VPS13B: variants seen among roughly 807,000 people sequenced by gnomAD.
VPS13B encodes the protein intermembrane lipid transfer protein VPS13B.
A neutral mutation model predicts 426.4 loss-of-function variants in VPS13B; 285 were observed. That is an observed-to-expected ratio of 0.67 (90% CI 0.61 to 0.74). VPS13B has a LOEUF of 0.74. Among genes scored for constraint, VPS13B ranks in the 30% least tolerant of loss-of-function variants. VPS13B has a pLI of 0.00. For synonymous variants in VPS13B, 1,676 were observed against 1,676.4 expected, an observed-to-expected ratio of 1.00 and a Z score of 0.01; for missense variants, 4,537 against 4,782.6, an observed-to-expected ratio of 0.95 and a Z score of 1.51.
chr8:99,275,678 C>T (rs939415126), intron 19 of VPS13B, among the ~76,000 whole-genome samples: 6 of 152,070 alleles, frequency 3.9e-5, no homozygotes. Flanking sequence ...AAGAAAATCT[C>T]AGAGGTCATT....
chr8:99,225,988 A>C (rs1815993989), intron 17 of VPS13B, among the ~76,000 whole-genome samples: 1 of 152,018 alleles, frequency 6.6e-6, no homozygotes, highest in Non-Finnish European at 1.5e-5. Context: ...TCTGTCGCCC[A>C]GGCTGGAGTG....
intron 2 of VPS13B, among the ~76,000 whole-genome samples, chr8:99,025,669 T>G (rs986691104): frequency 6.6e-6 from 1 of 152,166 alleles, no homozygotes; most frequent in Non-Finnish European, 1.5e-5. Flanking sequence ...TGGAATTCAG[T>G]AGTGAAGCCA....
intron 46 of VPS13B, 86 bp from the exon 47 acceptor site, chr8:99,818,627 T>G: frequency 6.2e-7 from 1 of 1,603,388 alleles, no homozygotes; most frequent in Admixed American, 1.7e-5. Context: ...GGGAAGAGAT[T>G]TATTACAAGT....
intron 31 of VPS13B, among the ~76,000 whole-genome samples, chr8:99,569,887 AAT>A (rs1003328684): frequency 2.6e-5 from 4 of 152,164 alleles, no homozygotes; most frequent in African/African-American, 9.7e-5. Flanking sequence ...TAAAATAGTC[AAT>A]GTTTTGTTAT....
chr8:99,502,314 CA>C (rs895162752), intron 26 of VPS13B, among the ~76,000 whole-genome samples: 2 of 152,012 alleles, frequency 1.3e-5, no homozygotes, highest in African/African-American at 4.8e-5. Context: ...CTGAAAAGTG[CA>C]AATATTAAAC....
At chr8:99,692,548 G>A (rs1474287753) in intron 35 of VPS13B, among the ~76,000 whole-genome samples, 2 of 146,674 alleles carry the variant, frequency 1.4e-5, no homozygotes, top group African/African-American at 5.2e-5. Flanking sequence ...AAAGCAGTGT[G>A]TAGAGGGAAA....
chr8:99,234,603 C>T (rs1193219311), intron 17 of VPS13B: 11 of 395,544 alleles, frequency 2.8e-5, no homozygotes, highest in South Asian at 8.1e-5. Context: ...TTGGGTAGTG[C>T]GCTCGCGCAG....
chr8:99,255,639 C>T (rs564718827), intron 17 of VPS13B, among the ~76,000 whole-genome samples: 2 of 152,268 alleles, frequency 1.3e-5, no homozygotes, highest in South Asian at 4.1e-4. Flanking sequence ...ATTCTTGTTA[C>T]TTCTGGCCCG....
At chr8:99,611,008 C>CTG (rs1236745909) in intron 33 of VPS13B, among the ~76,000 whole-genome samples, 1 of 152,140 alleles carries the variant, frequency 6.6e-6, no homozygotes, top group Non-Finnish European at 1.5e-5. Flanking sequence ...TATAGAAAAA[C>CTG]TGTTAGATTT....
chr8:99,661,272 CATTT>C (rs1830212496), intron 34 of VPS13B, 78 bp from the exon 35 acceptor site: 1 of 1,561,998 alleles, frequency 6.4e-7, no homozygotes, highest in African/African-American at 1.4e-5. Context: ...GTTTTTCTCT[CATTT>C]ATTAACTCAA....
At chr8:99,565,206 T>C (rs1825123512) in intron 31 of VPS13B, among the ~76,000 whole-genome samples, 1 of 152,214 alleles carries the variant, frequency 6.6e-6, no homozygotes, top group Non-Finnish European at 1.5e-5. Context: ...GTAAATAATT[T>C]TGTTTTGATC....
chr8:99,208,646 T>C (rs1026775607), intron 17 of VPS13B, among the ~76,000 whole-genome samples: 6 of 152,320 alleles, frequency 3.9e-5, no homozygotes, highest in South Asian at 2.1e-4. Flanking sequence ...TGAATACTTA[T>C]TTTAATTAAT....
chr8:99,178,158 T>C (rs75348644), intron 16 of VPS13B, among the ~76,000 whole-genome samples: 1 of 151,336 alleles, frequency 6.6e-6, no homozygotes, highest in Non-Finnish European at 1.5e-5. Flanking sequence ...TTTTTTATTT[T>C]ATTTTTTTTT....
At chr8:99,495,974 T>C (rs1387146144) in intron 25 of VPS13B, among the ~76,000 whole-genome samples, 1 of 152,136 alleles carries the variant, frequency 6.6e-6, no homozygotes, top group Non-Finnish European at 1.5e-5. Context: ...TATTAAGACA[T>C]AGTCCTTTAT....
intron 2 of VPS13B, among the ~76,000 whole-genome samples, chr8:99,028,395 C>A (rs1326784916): frequency 8.3e-6 from 1 of 120,112 alleles, no homozygotes; most frequent in Admixed American, 7.8e-5. Context: ...GGGGGGCTGA[C>A]CCCCCCCACC....
rs544499679 is a variant in VPS13B, at chr8:99,748,724, G to A, written c.7051-18050G>A. ...ACTTTGTGGAGACAGTGTTGAAGTG[G>A]TCATTTAAGAATATGACTGTGTTTG... On this transcript the variant is annotated intron_variant, in intron 39 of 61. Coordinates refer to ENST00000357162, the MANE Select transcript of VPS13B (RefSeq NM_152564.5). Among the ~76,000 whole-genome samples the A allele has an allele frequency of 2.0e-5, 3 of 152,046 alleles. No homozygotes were observed. The South Asian group carries it at 6.2e-4, about 32-fold the overall frequency.
chr8:99,764,538 TG>T (rs1811110100), intron 39 of VPS13B, among the ~76,000 whole-genome samples: 1 of 150,988 alleles, frequency 6.6e-6, no homozygotes, highest in Non-Finnish European at 1.5e-5. Context: ...CTCAGCCTCC[TG>T]AATAGCTGGG....
At chr8:99,106,480 A>C (rs1383050661) in intron 5 of VPS13B, among the ~76,000 whole-genome samples, 1 of 151,400 alleles carries the variant, frequency 6.6e-6, no homozygotes, top group Non-Finnish European at 1.5e-5. Flanking sequence ...CAAACAAAAA[A>C]CCCATATAGC....
chr8:99,469,698 A>G (rs964809657), intron 24 of VPS13B, among the ~76,000 whole-genome samples: 1 of 152,160 alleles, frequency 6.6e-6, no homozygotes, highest in African/African-American at 2.4e-5. Flanking sequence ...GTCCCCGCAA[A>G]AATATATGTT....
Sources: gnomAD v4.1 joint callset for allele counts (sites outside exome capture counted in the v4.1 genomes callset) on GRCh38, gnomAD v4.1.1 for gene constraint, MANE v1.5 for transcripts, NCBI Gene and HGNC (gene_info 2026-07-23, HGNC 2026-07-21) for gene names.